The following SPATA6 variants were observed in gnomAD, a reference collection of about 807,000 sequenced individuals.
SPATA6 encodes the protein spermatogenesis-associated protein 6.
In SPATA6, 56 loss-of-function variants were observed where a neutral mutation model predicts 65.3. That is an observed-to-expected ratio of 0.86 (90% CI 0.69 to 1.07). The LOEUF (loss-of-function observed/expected upper bound fraction) is 1.07, where lower values mean the gene tolerates loss of function less well. SPATA6 is among the 50% of genes least tolerant of loss of function. SPATA6 has a pLI of 0.00. For missense variants in SPATA6, 590 were observed against 594.8 expected (o/e 0.99, Z 0.08); for synonymous variants, 199 against 213.2 (o/e 0.93, Z 0.58).
chr1:48,423,385 G>A (rs1303309213), intron 3 of SPATA6, among the ~76,000 whole-genome samples: 1 of 151,386 alleles, frequency 6.6e-6, no homozygotes, highest in Non-Finnish European at 1.5e-5. Flanking sequence ...GAACCCAGGA[G>A]GTGGAGGTTG....
intron 9 of SPATA6, among the ~76,000 whole-genome samples, chr1:48,381,221 C>T (rs907521395): frequency 6.6e-6 from 1 of 152,094 alleles, no homozygotes; most frequent in African/African-American, 2.4e-5. Context: ...GGGTTGGGGA[C>T]TCCTGCTATA....
Position 48,340,524 on chromosome 1 carries a change from T to C in SPATA6, c.1194+15146A>G, listed in dbSNP as rs74979374. Among the ~76,000 whole-genome samples, 121 of 151,718 alleles carry C rather than the reference T, an allele frequency of 8.0e-4. 3 individuals carry two copies. The East Asian group carries it at 0.021, about 26-fold the overall frequency. On this transcript the variant is annotated intron_variant, in intron 11 of 12. Transcript: ENST00000371847. Reference sequence around the variant, plus strand: ...AAAAAATTGGTAAAAAAAATTGTATTAGACTATAATAAAGAATACATGTTT... The same window carrying C: ...AAAAAATTGGTAAAAAAAATTGTATCAGACTATAATAAAGAATACATGTTT...
At chr1:48,321,803 C>A (rs1645606643) in intron 11 of SPATA6, among the ~76,000 whole-genome samples, 1 of 152,086 alleles carries the variant, frequency 6.6e-6, no homozygotes, top group South Asian at 2.1e-4. Context: ...GAAATTATAT[C>A]ATGTGTCTTC....
rs1376349749 is a variant in SPATA6, at chr1:48,297,198, T to C, written c.*1515A>G. On this transcript the variant is annotated 3_prime_UTR_variant, in exon 13 of 13. Coordinates refer to ENST00000371847, the MANE Select transcript of SPATA6 (RefSeq NM_019073.4). ...GCAAACAGATTTTCCTAAACTTAGA[T>C]GGCCAATTACATACTTATACCTACA... The C allele has an allele frequency of 6.6e-6, 1 of 151,712 alleles. No individual in the cohort carries two copies. The allele number at this position is 151,712 out of a possible 1,614,324, so 9.4% of individuals were successfully genotyped here.
At chr1:48,413,616 A>T (rs1652484420) in intron 3 of SPATA6, among the ~76,000 whole-genome samples, 3 of 151,926 alleles carry the variant, frequency 2.0e-5, no homozygotes, top group African/African-American at 7.3e-5. Flanking sequence ...GTATACTTTT[A>T]TAAATATAAG....
At chr1:48,421,619 GA>G in intron 3 of SPATA6, among the ~76,000 whole-genome samples, 1 of 152,030 alleles carries the variant, frequency 6.6e-6, no homozygotes, top group Admixed American at 6.5e-5. Flanking sequence ...CTGAATATAA[GA>G]TAAATATATT....
intron 3 of SPATA6, among the ~76,000 whole-genome samples, chr1:48,431,740 A>C (rs2148060349): frequency 6.6e-6 from 1 of 152,336 alleles, no homozygotes; most frequent in Admixed American, 6.5e-5. Flanking sequence ...AAAAATGAAA[A>C]TACAATACCA....
rs181031832 is a variant in SPATA6 at position 48,414,525 on chromosome 1, A to C, written c.239-1374T>G. 2.7e-3 allele frequency among the ~76,000 whole-genome samples: 417 copies of C among 152,220 alleles called. 1 individual carries two copies. Among genetic ancestry groups the C allele is most frequent in the African/African-American group, 8.5e-3 (354 of 41,542 alleles). The stretch of plus-strand genomic sequence containing the variant: ...CTATGTGAGAGAAGGGAAATACCCA[A>C]CTACAGCCATATCTAGCATTCCACA... On this transcript the variant is annotated intron_variant, in intron 3 of 12. Coordinates refer to ENST00000371847, the MANE Select transcript of SPATA6 (RefSeq NM_019073.4).
intron 11 of SPATA6, among the ~76,000 whole-genome samples, chr1:48,306,837 A>T (rs1335560910): frequency 1.3e-5 from 2 of 151,950 alleles, no homozygotes; most frequent in African/African-American, 4.8e-5. Context: ...GAAAATATGC[A>T]TACAAATTTA....
At chr1:48,458,465 GCTGA>G (rs2148177748) in intron 1 of SPATA6, among the ~76,000 whole-genome samples, 1 of 152,168 alleles carries the variant, frequency 6.6e-6, no homozygotes, top group African/African-American at 2.4e-5. Context: ...TGTCTTTTTT[GCTGA>G]CTGTCAGTGG....
chr1:48,312,155 C>G (rs960394273), intron 11 of SPATA6, among the ~76,000 whole-genome samples: 67 of 152,160 alleles, frequency 4.4e-4, no homozygotes, highest in Non-Finnish European at 2.4e-4. Context: ...AATAGCGAAA[C>G]AAAAGGCAGC....
At chr1:48,290,907 A>G (rs1260735850), downstream of SPATA6, among the ~76,000 whole-genome samples, 4 of 152,166 alleles carry the variant, frequency 2.6e-5, no homozygotes, top group Non-Finnish European at 5.9e-5. Flanking sequence ...GGGAGACTTT[A>G]ACACCCCACT....
At chr1:48,323,620 A>G (rs1336989136) in intron 11 of SPATA6, among the ~76,000 whole-genome samples, 1 of 151,692 alleles carries the variant, frequency 6.6e-6, no homozygotes, top group Non-Finnish European at 1.5e-5. Context: ...ACAACAGAAA[A>G]AAAAAAAAAA....
chr1:48,461,825 C>G, intron 1 of SPATA6, among the ~76,000 whole-genome samples: 1 of 152,096 alleles, frequency 6.6e-6, no homozygotes, highest in East Asian at 1.9e-4. Flanking sequence ...ACCATTTGAC[C>G]CAGCCATCCC....
intron 6 of SPATA6, among the ~76,000 whole-genome samples, chr1:48,401,632 A>C (rs1183975840): frequency 3.9e-5 from 6 of 152,138 alleles, no homozygotes; most frequent in Admixed American, 3.9e-4. Context: ...AGCCTGATAG[A>C]TGATGGGACT....
intron 11 of SPATA6, among the ~76,000 whole-genome samples, chr1:48,313,166 G>A (rs573278758): frequency 2.6e-5 from 4 of 152,198 alleles, no homozygotes; most frequent in South Asian, 2.1e-4. Context: ...AATGCAGGCT[G>A]ACATTCAAAT....
chr1:48,283,151 G>T, the SPATA6 span, among the ~76,000 whole-genome samples: 1 of 135,214 alleles, frequency 7.4e-6, no homozygotes, highest in Non-Finnish European at 1.5e-5. Flanking sequence ...CATGGACACA[G>T]GAAGGGGAAC....
chr1:48,273,427 T>C, the SPATA6 span, among the ~76,000 whole-genome samples: 2 of 152,094 alleles, frequency 1.3e-5, no homozygotes, highest in Admixed American at 1.3e-4. Flanking sequence ...CGTACCATGG[T>C]GGTTTACTGG....
chr1:48,353,649 A>T (rs1646576326), intron 11 of SPATA6, among the ~76,000 whole-genome samples: 1 of 151,972 alleles, frequency 6.6e-6, no homozygotes, highest in Non-Finnish European at 1.5e-5. Context: ...ATCCAATGAC[A>T]TCGCTTCAAA....
Sources: allele counts gnomAD v4.1 joint callset (sites outside exome capture counted in the v4.1 genomes callset), GRCh38; gene constraint gnomAD v4.1.1; transcripts MANE v1.5; gene names NCBI Gene and HGNC (gene_info 2026-07-23, HGNC 2026-07-21).